The following FBXO15 variants were observed in gnomAD, a reference collection of about 807,000 sequenced individuals.
FBXO15 encodes the protein F-box protein 15, also known as F-box only protein 15.
In FBXO15, 30 loss-of-function variants were observed where a neutral mutation model predicts 49.5. The ratio of observed to expected loss-of-function variants is 0.61; its 90% CI spans 0.45 to 0.82. The LOEUF is 0.82. FBXO15 is among the 40% of genes least tolerant of loss of function. The pLI is 0.00. For missense variants in FBXO15, 591 were observed against 631.5 expected, an observed-to-expected ratio of 0.94 and a Z score of 0.69; for synonymous variants, 250 against 232.7, an observed-to-expected ratio of 1.07 and a Z score of -0.68.
rs1978335150 is a variant in FBXO15 at position 74,130,605 on chromosome 18, CA to C, written c.385del (p.Trp129GlyfsTer6). The part of the protein sequence containing the change: ...STAFSPARSN[W>X]KFNSVEKIAM... ...TATCTTCTCTACTGAATTAAATTTC[CA>C]ATTTGATCTTGCAGGTGAAAAAGCA... On this transcript the variant is annotated frameshift_variant, in exon 4 of 10. Transcript: ENST00000419743. LOFTEE classifies it high-confidence loss of function. 3 of 1,613,992 alleles carry C rather than the reference CA, an allele frequency of 1.9e-6. No individual in the cohort carries two copies.
intron 8 of FBXO15, among the ~76,000 whole-genome samples, chr18:74,082,323 G>C (rs1162488123): frequency 6.6e-6 from 1 of 152,192 alleles, no homozygotes; most frequent in African/African-American, 2.4e-5. Flanking sequence ...ATAGCCACCT[G>C]TCACTGATGG....
chr18:74,101,505 G>C (rs533855659), intron 8 of FBXO15, among the ~76,000 whole-genome samples: 13 of 152,010 alleles, frequency 8.6e-5, no homozygotes, highest in African/African-American at 3.1e-4. Flanking sequence ...CTCATGGATG[G>C]GTAGAATTGA....
chr18:74,104,111 A>G (rs1206048880), intron 8 of FBXO15, among the ~76,000 whole-genome samples: 1 of 152,128 alleles, frequency 6.6e-6, no homozygotes, highest in Admixed American at 6.6e-5. Context: ...TGAGACAACT[A>G]AAGGTCAAAA....
chr18:74,098,622 TAAA>T (rs1913384607), intron 8 of FBXO15: 1 of 152,184 alleles, frequency 6.6e-6, no homozygotes, highest in South Asian at 2.1e-4. Flanking sequence ...GAAGATATGT[TAAA>T]TGACCAAACC....
At chr18:74,085,154 A>T (rs1912684641) in intron 8 of FBXO15, among the ~76,000 whole-genome samples, 2 of 152,168 alleles carry the variant, frequency 1.3e-5, no homozygotes, top group African/African-American at 4.8e-5. Flanking sequence ...TACTTATATA[A>T]ATAATAATAT....
intron 2 of FBXO15, among the ~76,000 whole-genome samples, chr18:74,138,395 C>A (rs1486306150): frequency 6.6e-6 from 1 of 152,156 alleles, no homozygotes; most frequent in East Asian, 1.9e-4. Flanking sequence ...CTCCCCAGGC[C>A]GCAGGTCACC....
intron 8 of FBXO15, among the ~76,000 whole-genome samples, chr18:74,094,437 C>G (rs1221482582): frequency 2.0e-5 from 3 of 152,138 alleles, no homozygotes; most frequent in Non-Finnish European, 4.4e-5. Context: ...CCGAGGCCTC[C>G]TTAAAAGCTG....
chr18:74,129,962 T>A (rs1401087953), intron 4 of FBXO15, among the ~76,000 whole-genome samples: 1 of 152,200 alleles, frequency 6.6e-6, no homozygotes, highest in East Asian at 1.9e-4. Flanking sequence ...TAGTTATCCC[T>A]CTGTCTCCGC....
chr18:74,076,797 C>T (rs568798503), intron 9 of FBXO15, among the ~76,000 whole-genome samples: 6 of 152,288 alleles, frequency 3.9e-5, no homozygotes, highest in South Asian at 2.1e-4. Context: ...TGGCCTCATC[C>T]GCCCATCCCA....
In FBXO15 at chr18:74,075,117, C is replaced by A. The variant is rs999613558; in HGVS notation, c.1264-1387G>T. ...TGCAGCTGCACCATCCTCAGCTCGG[C>A]CTGACGGTCCCACCCTGGCTCTCTG... is the stretch of plus-strand genomic sequence containing the variant. On this transcript the variant is annotated intron_variant, in intron 9 of 9. Coordinates refer to ENST00000419743, the MANE Select transcript of FBXO15 (RefSeq NM_001142958.2). The surrounding 1 kb of genome is among the most constrained non-coding windows in gnomAD (Gnocchi z 4.1). Among the ~76,000 whole-genome samples the A allele has an allele frequency of 1.3e-5, 2 of 152,200 alleles. No homozygotes were observed. The highest frequency in any genetic ancestry group is 4.8e-5 in the African/African-American group (2 of 41,454).
At chr18:74,127,478 C>T (rs887825266) in intron 5 of FBXO15, among the ~76,000 whole-genome samples, 13 of 152,218 alleles carry the variant, frequency 8.5e-5, no homozygotes, top group African/African-American at 3.1e-4. Flanking sequence ...ATCAATGAGG[C>T]TTTCACTGTT....
chr18:74,134,453 C>T (rs9953316), intron 3 of FBXO15, among the ~76,000 whole-genome samples: 5,861 of 150,378 alleles, frequency 0.039, 378 homozygotes, highest in African/African-American at 0.13. Flanking sequence ...ACTGCAAGCT[C>T]CGCCTCCCAG....
At chr18:74,132,625 T>C (rs1378091197) in intron 3 of FBXO15, among the ~76,000 whole-genome samples, 1 of 152,238 alleles carries the variant, frequency 6.6e-6, no homozygotes, top group East Asian at 1.9e-4. Context: ...AAGGTTCAGA[T>C]ACCTTTCACA....
In FBXO15 at chr18:74,116,643, T is replaced by G. The variant is rs1401397205; in HGVS notation, c.1138+6725A>C. On this transcript the variant is annotated intron_variant, in intron 8 of 9. Coordinates refer to ENST00000419743, the MANE Select transcript of FBXO15 (RefSeq NM_001142958.2). ...CTGGTCACTTCATCCCCACCCCAGC[T>G]CCTCCTGGTGTGCCCTTCCTCAGAA... 2.0e-5 allele frequency among the ~76,000 whole-genome samples: 3 copies of G among 152,200 alleles called. No homozygotes were observed. The East Asian group carries it at 5.8e-4, about 29-fold the overall frequency.
chr18:74,093,052 T>C (rs1288895489), intron 8 of FBXO15, among the ~76,000 whole-genome samples: 1 of 152,016 alleles, frequency 6.6e-6, no homozygotes, highest in Non-Finnish European at 1.5e-5. Context: ...ATGCATGTGT[T>C]CATACCAGCA....
At chr18:74,079,689 T>C (rs1912405714) in intron 9 of FBXO15, among the ~76,000 whole-genome samples, 1 of 152,240 alleles carries the variant, frequency 6.6e-6, no homozygotes, top group African/African-American at 2.4e-5. Flanking sequence ...CATAAACTTA[T>C]GATCTGTTGA....
chr18:74,097,035 G>C (rs1346047125), intron 8 of FBXO15: 1 of 152,308 alleles, frequency 6.6e-6, no homozygotes, highest in African/African-American at 2.4e-5. Flanking sequence ...TCAGTTTAGA[G>C]AGCCGAGTGA....
intron 9 of FBXO15, among the ~76,000 whole-genome samples, chr18:74,077,769 C>T (rs1025930097): frequency 5.3e-4 from 80 of 152,282 alleles, no homozygotes; most frequent in Middle Eastern, 6.8e-3. Context: ...CTGGAATGGG[C>T]ATTACCACTG....
chr18:74,108,174 T>C (rs1257080971), intron 8 of FBXO15, among the ~76,000 whole-genome samples: 2 of 152,026 alleles, frequency 1.3e-5, no homozygotes, highest in Non-Finnish European at 1.5e-5. Flanking sequence ...ACACACAGTA[T>C]GAAGAGACAG....
Sources: allele counts gnomAD v4.1 joint callset (sites outside exome capture counted in the v4.1 genomes callset), GRCh38; gene constraint gnomAD v4.1.1; non-coding constraint Gnocchi (gnomAD v3.1); transcripts MANE v1.5; gene names NCBI Gene and HGNC (gene_info 2026-07-23, HGNC 2026-07-21).